The following HMBOX1 variants were observed in gnomAD, a reference collection of about 807,000 sequenced individuals.
The protein encoded by HMBOX1 is homeobox containing 1, also known as homeobox-containing protein 1.
HMBOX1 carries 14 observed loss-of-function variants against 54.5 expected under a neutral mutation model. The observed-to-expected ratio is 0.26, with a 90% CI of 0.17 to 0.40. HMBOX1 has a LOEUF of 0.40. Ranked by LOEUF, HMBOX1 falls within the 10% of genes least tolerant of loss-of-function variation. The pLI, the probability that HMBOX1 is intolerant of heterozygous loss-of-function variation, is 1.00. For synonymous variants in HMBOX1, 160 were observed against 181.0 expected (o/e 0.88, Z 0.93); for missense variants, 332 against 514.4 (o/e 0.65, Z 3.43).
At chr8:28,914,248 A>G (rs1195351786) in intron 1 of HMBOX1, among the ~76,000 whole-genome samples, 1 of 152,198 alleles carries the variant, frequency 6.6e-6, no homozygotes, top group Non-Finnish European at 1.5e-5. Context: ...TTCAGTGTGT[A>G]CATTTATATT....
intron 1 of HMBOX1, among the ~76,000 whole-genome samples, chr8:28,933,599 T>C (rs1048653979): frequency 6.6e-6 from 1 of 151,090 alleles, no homozygotes; most frequent in African/African-American, 2.4e-5. Context: ...TACCAATATC[T>C]GGAATGAAAG....
At chr8:29,009,875 A>T (rs1293016978) in intron 5 of HMBOX1, 1 of 1,146,658 alleles carries the variant, frequency 8.7e-7, no homozygotes, top group Non-Finnish European at 1.1e-6. Context: ...TCTATACTTT[A>T]CACAGGCAAG....
At chr8:28,944,837 G>A (rs1200641067) in intron 1 of HMBOX1, among the ~76,000 whole-genome samples, 1 of 152,072 alleles carries the variant, frequency 6.6e-6, no homozygotes, top group Non-Finnish European at 1.5e-5. Flanking sequence ...TAATTAAAAG[G>A]TTTGTTAGAG....
intron 4 of HMBOX1, among the ~76,000 whole-genome samples, chr8:28,982,733 C>T (rs1171051567): frequency 6.6e-6 from 1 of 151,970 alleles, no homozygotes; most frequent in Non-Finnish European, 1.5e-5. Context: ...TCAAGCGATT[C>T]TCCTGCCTCA....
Position 29,012,584 on chromosome 8 carries a change from C to CT in HMBOX1, c.697+3403dup, listed in dbSNP as rs1834358242. Among the ~76,000 whole-genome samples, 9 of 152,276 alleles carry CT rather than the reference C, an allele frequency of 5.9e-5. No individual in the cohort carries two copies. In the South Asian group the frequency reaches 1.9e-3, roughly 32 times the overall value. ...TATGCTTATCTAAGCATAGAAATCTCTGAAAAGCTGTGTTAGGAACTGGGA... is the reference window on the plus strand; with the variant it reads ...TATGCTTATCTAAGCATAGAAATCTCTTGAAAAGCTGTGTTAGGAACTGGGA... On this transcript the variant is annotated intron_variant, in intron 5 of 9. Transcript: ENST00000287701.
intron 1 of HMBOX1, among the ~76,000 whole-genome samples, chr8:28,934,977 A>G (rs1407335814): frequency 6.6e-6 from 1 of 152,098 alleles, no homozygotes; most frequent in Non-Finnish European, 1.5e-5. Context: ...ACACCGTTAT[A>G]TTAGAAATGA....
At chr8:28,897,572 A>T (rs530509732) in intron 1 of HMBOX1, among the ~76,000 whole-genome samples, 9 of 152,300 alleles carry the variant, frequency 5.9e-5, no homozygotes, top group Admixed American at 2.6e-4. Context: ...GCTACTCAGG[A>T]GGCTGAGGCA....
In HMBOX1 at chr8:29,043,495, G is replaced by A. The variant is rs1034208130; in HGVS notation, c.852-1866G>A. ...TACATGTCTCTCTGTAGTAGACTGT[G>A]AACACTTCAGAGTCAGAAACTATAT... On this transcript the variant is annotated intron_variant, in intron 6 of 9. Coordinates refer to ENST00000287701, the MANE Select transcript of HMBOX1 (RefSeq NM_001135726.3). Among the ~76,000 whole-genome samples the A allele has an allele frequency of 7.2e-5, 11 of 152,362 alleles. No homozygotes were observed. In the East Asian group the frequency reaches 1.9e-3, roughly 27 times the overall value.
intron 6 of HMBOX1, among the ~76,000 whole-genome samples, chr8:29,032,796 CA>C (rs1803210232): frequency 6.6e-6 from 1 of 152,086 alleles, no homozygotes; most frequent in African/African-American, 2.4e-5. Flanking sequence ...ATAACTTTAA[CA>C]AAATTAGAAA....
At chr8:29,008,106 T>G (rs946709138) in intron 4 of HMBOX1, among the ~76,000 whole-genome samples, 3 of 152,212 alleles carry the variant, frequency 2.0e-5, no homozygotes, top group African/African-American at 7.2e-5. Context: ...CAGTAATTCC[T>G]TGGGAGGTTT....
At chr8:29,036,360 C>T (rs897831054) in intron 6 of HMBOX1, among the ~76,000 whole-genome samples, 2 of 152,116 alleles carry the variant, frequency 1.3e-5, no homozygotes, top group Admixed American at 1.3e-4. Context: ...GCTTTGTTTT[C>T]TGCTAGTGCC....
chr8:28,958,679 A>C (rs1010409369), intron 1 of HMBOX1, among the ~76,000 whole-genome samples: 3 of 152,120 alleles, frequency 2.0e-5, no homozygotes, highest in East Asian at 1.9e-4. Context: ...CTCTCTCTAT[A>C]TATATTTATT....
intron 6 of HMBOX1, among the ~76,000 whole-genome samples, chr8:29,041,994 T>C (rs1303122807): frequency 6.6e-6 from 1 of 152,142 alleles, no homozygotes; most frequent in Non-Finnish European, 1.5e-5. Flanking sequence ...GCCAAAGAGC[T>C]ATGGCTTAAA....
intron 1 of HMBOX1, among the ~76,000 whole-genome samples, chr8:28,961,344 G>A (rs544487890): frequency 6.6e-6 from 1 of 152,088 alleles, no homozygotes; most frequent in African/African-American, 2.4e-5. Flanking sequence ...TTGAAACTCT[G>A]TACCCTTAAA....
At position 29,048,952 on chromosome 8, in the gene HMBOX1, A is replaced by G; in HGVS notation, c.1031-2A>G. The stretch of plus-strand genomic sequence containing the variant: ...TTAGGGATCTATTTGCTTTTTTCGA[A>G]GAAGCAGCAATCCTGGAGAGTCATG... On this transcript the variant is annotated splice_acceptor_variant, in intron 8 of 9. Transcript: ENST00000287701. LOFTEE classifies it high-confidence loss of function. 6.3e-7 allele frequency: 1 copy of G among 1,591,480 alleles called. No homozygotes were observed. Among genetic ancestry groups the G allele is most frequent in the South Asian group, 1.1e-5 (1 of 89,490 alleles).
chr8:28,969,663 G>A, intron 2 of HMBOX1, among the ~76,000 whole-genome samples: 1 of 152,050 alleles, frequency 6.6e-6, no homozygotes, highest in East Asian at 1.9e-4. Context: ...CTCTAATGTA[G>A]AGTAATACAC....
intron 2 of HMBOX1, among the ~76,000 whole-genome samples, chr8:28,967,180 T>C (rs754407287): frequency 1.2e-4 from 19 of 152,210 alleles, no homozygotes; most frequent in Non-Finnish European, 2.2e-4. Context: ...AGAGCAAGGT[T>C]TGGCTTTCTT....
At chr8:28,981,531 C>T (rs912791185) in intron 4 of HMBOX1, among the ~76,000 whole-genome samples, 2 of 152,130 alleles carry the variant, frequency 1.3e-5, no homozygotes, top group African/African-American at 4.8e-5. Flanking sequence ...ATTTCAGCCT[C>T]CATTACTAGA....
chr8:28,936,739 CTTA>C (rs1488994391), intron 1 of HMBOX1, among the ~76,000 whole-genome samples: 1 of 148,682 alleles, frequency 6.7e-6, no homozygotes, highest in Non-Finnish European at 1.5e-5. Context: ...TAAATTTAAA[CTTA>C]TTATATTACA....
Sources: gnomAD v4.1 joint callset for allele counts (sites outside exome capture counted in the v4.1 genomes callset) on GRCh38, gnomAD v4.1.1 for gene constraint, MANE v1.5 for transcripts, NCBI Gene and HGNC (gene_info 2026-07-23, HGNC 2026-07-21) for gene names.